The following MECOM variants were observed in gnomAD, a reference collection of about 807,000 sequenced individuals.
MECOM encodes the protein histone-lysine N-methyltransferase MECOM.
MECOM carries 13 observed loss-of-function variants against 116.3 expected under a neutral mutation model. The ratio of observed to expected loss-of-function variants is 0.11; its 90% confidence interval spans 0.07 to 0.18. The LOEUF is 0.18. MECOM is among the 10% of genes least tolerant of loss of function. The pLI, the probability that MECOM is intolerant of heterozygous loss-of-function variation, is 1.00. For missense variants in MECOM, 1,299 were observed against 1,509.0 expected, an observed-to-expected ratio of 0.86 and a Z score of 2.31; for synonymous variants, 528 against 535.2, an observed-to-expected ratio of 0.99 and a Z score of 0.19.
chr3:169,629,967 C>T (rs138319678), intron 1 of MECOM, among the ~76,000 whole-genome samples: 1 of 152,238 alleles, frequency 6.6e-6, no homozygotes, highest in Non-Finnish European at 1.5e-5. Context: ...CAACCCACCT[C>T]TCCCAGCCCT....
At chr3:169,132,656 G>T (rs1735113125) in intron 3 of MECOM, among the ~76,000 whole-genome samples, 1 of 151,898 alleles carries the variant, frequency 6.6e-6, no homozygotes, top group South Asian at 2.1e-4. Flanking sequence ...TTATTCCTTT[G>T]CCTCATATAT....
intron 1 of MECOM, among the ~76,000 whole-genome samples, chr3:169,605,894 A>G (rs1768472742): frequency 6.6e-6 from 1 of 152,194 alleles, no homozygotes; most frequent in Non-Finnish European, 1.5e-5. Flanking sequence ...GGTAAAGTGA[A>G]GTTTATTTAT....
intron 1 of MECOM, among the ~76,000 whole-genome samples, chr3:169,443,367 G>T (rs1744065454): frequency 1.3e-5 from 2 of 152,146 alleles, no homozygotes; most frequent in Non-Finnish European, 1.5e-5. Flanking sequence ...TCTCTGTGGG[G>T]GGAAGGGAAG....
At chr3:169,431,861 G>A (rs1741697461) in intron 1 of MECOM, among the ~76,000 whole-genome samples, 1 of 152,144 alleles carries the variant, frequency 6.6e-6, no homozygotes, top group Admixed American at 6.5e-5. Flanking sequence ...GGTTAGGAGA[G>A]GCCATGCTCC....
At chr3:169,543,927 C>T (rs1328932262) in intron 1 of MECOM, among the ~76,000 whole-genome samples, 1 of 151,960 alleles carries the variant, frequency 6.6e-6, no homozygotes, top group African/African-American at 2.4e-5. Flanking sequence ...ACTCTGTGAC[C>T]CAGGCTGGAA....
chr3:169,414,167 T>A (rs1738120248), intron 1 of MECOM, among the ~76,000 whole-genome samples: 1 of 152,176 alleles, frequency 6.6e-6, no homozygotes, highest in Admixed American at 6.5e-5. Flanking sequence ...GGTGCCCCCC[T>A]GGTATGAAGC....
intron 8 of MECOM, among the ~76,000 whole-genome samples, chr3:169,113,592 T>A (rs904548772): frequency 4.0e-5 from 6 of 151,812 alleles, no homozygotes; most frequent in Admixed American, 3.3e-4. Flanking sequence ...TACCTATATA[T>A]CCCTTCTGCT....
In MECOM at chr3:169,115,370, C is replaced by T. The variant is rs748273781; in HGVS notation, c.2489+13G>A. 1.2e-6 allele frequency: 2 copies of T among 1,609,330 alleles called. No individual in the cohort carries two copies. Among genetic ancestry groups the T allele is most frequent in the African/African-American group, 2.7e-5 (2 of 74,788 alleles). On this transcript the variant is annotated intron_variant, in intron 8 of 16. Coordinates refer to ENST00000651503, the MANE Select transcript of MECOM (RefSeq NM_004991.4). ...CATCTGCTCATATTTCGTCATCTTCCATACACGCTTACCTGTAAATAGGGT... is the reference window on the plus strand; with the variant it reads ...CATCTGCTCATATTTCGTCATCTTCTATACACGCTTACCTGTAAATAGGGT...
At chr3:169,605,929 C>T (rs1206185707) in intron 1 of MECOM, among the ~76,000 whole-genome samples, 1 of 152,050 alleles carries the variant, frequency 6.6e-6, no homozygotes, top group Admixed American at 6.6e-5. Flanking sequence ...AGTGAAATAT[C>T]ATAGACAGAA....
At chr3:169,453,890 A>G (rs2108682373) in intron 1 of MECOM, among the ~76,000 whole-genome samples, 1 of 152,180 alleles carries the variant, frequency 6.6e-6, no homozygotes, top group Non-Finnish European at 1.5e-5. Flanking sequence ...AGAGAGCCTG[A>G]TGGTAAATAA....
intron 2 of MECOM, among the ~76,000 whole-genome samples, chr3:169,174,906 A>C (rs1402791448): frequency 6.6e-6 from 1 of 152,188 alleles, no homozygotes; most frequent in African/African-American, 2.4e-5. Flanking sequence ...AAAAGCAGAC[A>C]TGAAGACAAC....
chr3:169,658,781 G>A (rs1255805616), intron 1 of MECOM, among the ~76,000 whole-genome samples: 1 of 152,138 alleles, frequency 6.6e-6, no homozygotes, highest in African/African-American at 2.4e-5. Flanking sequence ...TTGGGAACAG[G>A]GAAAAAGCCG....
chr3:169,318,125 A>T (rs896379049), intron 2 of MECOM, among the ~76,000 whole-genome samples: 1 of 152,348 alleles, frequency 6.6e-6, no homozygotes, highest in African/African-American at 2.4e-5. Flanking sequence ...TTAACTCAAG[A>T]TGGATTAAAG....
intron 2 of MECOM, among the ~76,000 whole-genome samples, chr3:169,261,121 T>C (rs1757479197): frequency 6.6e-6 from 1 of 152,200 alleles, no homozygotes; most frequent in African/African-American, 2.4e-5. Flanking sequence ...AGTGTAAAAG[T>C]TAATAGCCTC....
rs754948581 is a variant in MECOM at position 169,102,111 on chromosome 3, T to A, written c.2720A>T (p.Asn907Ile). 1 of 1,613,784 alleles carries A rather than the reference T, an allele frequency of 6.2e-7. No homozygotes were observed. The highest frequency in any genetic ancestry group is 8.5e-7 in the Non-Finnish European group (1 of 1,179,850). ...PSMFNFRAPPNALPENLLRKG... is the reference protein window; with the variant it reads ...PSMFNFRAPPIALPENLLRKG... ...CCGCAGAAGGTTCTCTGGCAGGGCA[T>A]TGGGAGGCGCCCTGAAGTTGAACAT... The change falls in exon 11 of 17, where the codon AAT becomes ATT. Residue 907 changes from asparagine (N) to isoleucine (I), a missense_variant. By Grantham distance (149) the Asn-to-Ile change is moderately radical. This residue lies in a region of MECOM where 340 missense variants were observed against 312.6 expected (regional missense o/e 1.09). Transcript: ENST00000651503.
intron 1 of MECOM, among the ~76,000 whole-genome samples, chr3:169,644,552 C>T (rs1405633041): frequency 2.0e-5 from 3 of 152,142 alleles, no homozygotes; most frequent in East Asian, 1.9e-4. Context: ...CCACCACACC[C>T]GGCCCCTACC....
intron 3 of MECOM, 32 bp downstream of exon 3, chr3:169,143,666 C>G (rs767031097): frequency 3.3e-5 from 51 of 1,540,778 alleles, no homozygotes; most frequent in Non-Finnish European, 8.8e-7. Context: ...TTTGTGCTCT[C>G]AAGGAAAGAC....
intron 5 of MECOM, among the ~76,000 whole-genome samples, chr3:169,127,434 C>G (rs745420903): frequency 5.9e-5 from 9 of 151,998 alleles, no homozygotes; most frequent in Non-Finnish European, 1.3e-4. Flanking sequence ...ATCAAAAGAT[C>G]ATTTACCTGT....
intron 1 of MECOM, among the ~76,000 whole-genome samples, chr3:169,402,773 A>C (rs144342957): frequency 6.6e-6 from 1 of 152,270 alleles, no homozygotes; most frequent in Non-Finnish European, 1.5e-5. Context: ...CTGTGCCTTT[A>C]TATTGATCAC....
Sources: gnomAD v4.1 joint callset for allele counts (sites outside exome capture counted in the v4.1 genomes callset) on GRCh38, gnomAD v4.1.1 for gene constraint, gnomAD v4.1.1 regional missense constraint, MANE v1.5 for transcripts, NCBI Gene and HGNC (gene_info 2026-07-23, HGNC 2026-07-21) for gene names.